The following VSTM2L variants were observed in gnomAD, a reference collection of about 807,000 sequenced individuals.
The protein encoded by VSTM2L is V-set and transmembrane domain-containing protein 2-like protein.
VSTM2L carries 9 observed loss-of-function variants against 19.9 expected under a neutral mutation model. The observed-to-expected ratio is 0.45, with a 90% CI of 0.27 to 0.79. The LOEUF is 0.79. Among genes scored for constraint, VSTM2L ranks in the 30% least tolerant of loss-of-function variants. The pLI, the probability that VSTM2L is intolerant of heterozygous loss-of-function variation, is 0.15. For synonymous variants in VSTM2L, 127 were observed against 133.8 expected (o/e 0.95, Z 0.35); for missense variants, 286 against 295.5 (o/e 0.97, Z 0.24).
chr20:37,926,565 T>C (rs1353262154), intron 1 of VSTM2L, among the ~76,000 whole-genome samples: 3 of 152,196 alleles, frequency 2.0e-5, no homozygotes, highest in Non-Finnish European at 2.9e-5. Flanking sequence ...AAGAGAAATA[T>C]TTAGGTTGGC....
chr20:37,927,596 C>T (rs935354264), intron 1 of VSTM2L, among the ~76,000 whole-genome samples: 3 of 152,206 alleles, frequency 2.0e-5, no homozygotes, highest in South Asian at 2.1e-4. Flanking sequence ...TGGCTGAACC[C>T]GGGCTGCTGA....
At chr20:37,922,788 G>A (rs1011338825) in intron 1 of VSTM2L, among the ~76,000 whole-genome samples, 2 of 152,188 alleles carry the variant, frequency 1.3e-5, no homozygotes, top group Non-Finnish European at 2.9e-5. Context: ...GCCTGTGCTG[G>A]ATGAGCCCCT....
Position 37,945,183 on chromosome 20 carries a change from T to C in VSTM2L, c.*930T>C, listed in dbSNP as rs1158996249. 1.0e-6 allele frequency: 1 copy of C among 985,394 alleles called. No individual in the cohort carries two copies. Among genetic ancestry groups the C allele is most frequent in the South Asian group, 4.7e-5 (1 of 21,282 alleles). 61.0% of individuals were successfully genotyped at this position (985,394 alleles called of 1,614,324 possible). On this transcript the variant is annotated 3_prime_UTR_variant, in exon 4 of 4. Coordinates refer to ENST00000373461, the MANE Select transcript of VSTM2L (RefSeq NM_080607.3). The stretch of plus-strand genomic sequence containing the variant: ...CCCTGGTTATTTGTAAATATTTCTA[T>C]TGGACCCAATTCTCCTCGGAATTGG...
At chr20:37,933,041 A>G (rs2072919489) in intron 2 of VSTM2L, among the ~76,000 whole-genome samples, 1 of 152,248 alleles carries the variant, frequency 6.6e-6, no homozygotes, top group Non-Finnish European at 1.5e-5. Context: ...GAAAGCCCTT[A>G]GGCAAATCGT....
intron 1 of VSTM2L, among the ~76,000 whole-genome samples, chr20:37,914,988 C>A (rs1169525001): frequency 6.6e-6 from 1 of 152,224 alleles, no homozygotes; most frequent in Non-Finnish European, 1.5e-5. Flanking sequence ...TTAAAAAAAT[C>A]ATTTCCGGCG....
At chr20:37,909,242 C>T (rs1264226804) in intron 1 of VSTM2L, among the ~76,000 whole-genome samples, 2 of 152,198 alleles carry the variant, frequency 1.3e-5, no homozygotes, top group Admixed American at 6.5e-5. Context: ...CCTCGATTTT[C>T]GAAAGCATGG....
At chr20:37,941,705 C>T (rs2072973065) in intron 3 of VSTM2L, among the ~76,000 whole-genome samples, 1 of 152,088 alleles carries the variant, frequency 6.6e-6, no homozygotes, top group African/African-American at 2.4e-5. Flanking sequence ...GGTCTGAGGC[C>T]CACTCACCTG....
intron 1 of VSTM2L, among the ~76,000 whole-genome samples, chr20:37,917,217 G>A (rs1311841696): frequency 6.6e-6 from 1 of 152,154 alleles, no homozygotes; most frequent in Non-Finnish European, 1.5e-5. Context: ...GGGAGGCTGA[G>A]GCAAGGAGAA....
At chr20:37,927,933 G>T (rs2072887663) in intron 1 of VSTM2L, among the ~76,000 whole-genome samples, 1 of 152,204 alleles carries the variant, frequency 6.6e-6, no homozygotes, top group African/African-American at 2.4e-5. Flanking sequence ...CACTGGCTGG[G>T]TCCGAGGGCT....
chr20:37,921,496 G>A (rs1225059787), intron 1 of VSTM2L, among the ~76,000 whole-genome samples: 2 of 152,210 alleles, frequency 1.3e-5, no homozygotes, highest in Non-Finnish European at 2.9e-5. Flanking sequence ...TGTTCCCTGA[G>A]CATCTACTAT....
intron 3 of VSTM2L, among the ~76,000 whole-genome samples, 153 bp downstream of exon 3, chr20:37,933,742 T>C (rs1454656651): frequency 6.6e-6 from 1 of 152,206 alleles, no homozygotes; most frequent in East Asian, 1.9e-4. Flanking sequence ...CTCTGTTTTT[T>C]AAAAGCCGGA....
chr20:37,907,571 C>T (rs553779945), intron 1 of VSTM2L, among the ~76,000 whole-genome samples: 2 of 152,048 alleles, frequency 1.3e-5, no homozygotes, highest in Non-Finnish European at 2.9e-5. Context: ...GAGGTCCAGA[C>T]AGGGGCAGGT....
At chr20:37,943,880 G>A (rs1395599663) in intron 3 of VSTM2L, 101 bp from the exon 4 acceptor site, 2 of 1,281,268 alleles carry the variant, frequency 1.6e-6, no homozygotes, top group African/African-American at 3.0e-5. Context: ...GTGTTTCTGG[G>A]GCTCCCGTCC....
At chr20:37,905,342 C>G (rs2072746074) in intron 1 of VSTM2L, among the ~76,000 whole-genome samples, 1 of 152,162 alleles carries the variant, frequency 6.6e-6, no homozygotes. Context: ...ACCCCAGGGA[C>G]TTGGGTGCCA....
At chr20:37,941,541 C>A (rs1007510860) in intron 3 of VSTM2L, among the ~76,000 whole-genome samples, 1 of 152,312 alleles carries the variant, frequency 6.6e-6, no homozygotes, top group Middle Eastern at 3.4e-3. Context: ...ATGCAGAGGG[C>A]GCACTTTCTC....
intron 1 of VSTM2L, among the ~76,000 whole-genome samples, chr20:37,915,275 G>T (rs1340910028): frequency 6.6e-6 from 1 of 152,122 alleles, no homozygotes; most frequent in African/African-American, 2.4e-5. Flanking sequence ...GAAGCCCCGG[G>T]CCCCACCCGC....
chr20:37,936,187 C>T (rs556436402), intron 3 of VSTM2L, among the ~76,000 whole-genome samples: 6 of 152,108 alleles, frequency 3.9e-5, no homozygotes, highest in Admixed American at 1.3e-4. Flanking sequence ...TGAGGCACCG[C>T]GCCTGGTTGG....
chr20:37,936,231 G>T (rs908973753), intron 3 of VSTM2L, among the ~76,000 whole-genome samples: 1 of 144,736 alleles, frequency 6.9e-6, no homozygotes, highest in Non-Finnish European at 1.5e-5. Context: ...TATGCGTACC[G>T]GTGACATGAC....
chr20:37,931,214 A>G (rs2122966605), intron 1 of VSTM2L, among the ~76,000 whole-genome samples: 1 of 152,276 alleles, frequency 6.6e-6, no homozygotes, highest in East Asian at 1.9e-4. Context: ...GCCGCTGTAC[A>G]TGGATGCTGG....
Sources: gnomAD v4.1 joint callset for allele counts (sites outside exome capture counted in the v4.1 genomes callset) on GRCh38, gnomAD v4.1.1 for gene constraint, MANE v1.5 for transcripts, NCBI Gene and HGNC (gene_info 2026-07-23, HGNC 2026-07-21) for gene names.